The following KCNAB2 variants were observed in gnomAD, a reference collection of about 807,000 sequenced individuals.
The protein encoded by KCNAB2 is potassium voltage-gated channel subfamily A regulatory beta subunit 2.
Under a neutral mutation model 63.6 loss-of-function variants are expected in KCNAB2, and 29 were observed. That is an observed-to-expected ratio of 0.46 (90% CI 0.34 to 0.62). KCNAB2 has a LOEUF of 0.62. KCNAB2 is among the 20% of genes least tolerant of loss of function. KCNAB2 has a pLI of 0.01. For missense variants in KCNAB2, 359 were observed against 563.9 expected (o/e 0.64, Z 3.68); for synonymous variants, 222 against 224.2 (o/e 0.99, Z 0.09).
chr1:6,090,558 A>G (rs1410657290), intron 9 of KCNAB2, 83 bp downstream of exon 9: 32 of 1,085,118 alleles, frequency 2.9e-5, no homozygotes, highest in Non-Finnish European at 4.3e-5. Context: ...GGCCGCCAGC[A>G]TGGGCCCTGC....
At chr1:6,082,385 A>C (rs1269043282) in intron 5 of KCNAB2, 111 bp downstream of exon 5, 1 of 803,902 alleles carries the variant, frequency 1.2e-6, no homozygotes, top group Non-Finnish European at 2.2e-6. Flanking sequence ...TGCACCTTGC[A>C]CCCTGCTTTC....
intron 4 of KCNAB2, among the ~76,000 whole-genome samples, chr1:6,080,047 A>T (rs1234325777): frequency 6.6e-6 from 1 of 152,208 alleles, no homozygotes; most frequent in Non-Finnish European, 1.5e-5. Context: ...TGGAAGAAAG[A>T]TGGGGGATAA....
At chr1:6,072,894 C>T in intron 3 of KCNAB2, 96 bp downstream of exon 3, 1 of 1,249,264 alleles carries the variant, frequency 8.0e-7, no homozygotes, top group Middle Eastern at 2.1e-4. Flanking sequence ...GCAGGGTGGC[C>T]CAAACCTTGG....
intron 2 of KCNAB2, among the ~76,000 whole-genome samples, chr1:6,061,252 A>G (rs1003037067): frequency 6.6e-6 from 1 of 152,238 alleles, no homozygotes; most frequent in Non-Finnish European, 1.5e-5. Context: ...ACAGAAAAAG[A>G]ACCAGAAATG....
chr1:6,046,238 G>A (rs1214111767), intron 1 of KCNAB2, 55 bp downstream of exon 1: 7 of 969,550 alleles, frequency 7.2e-6, no homozygotes, highest in South Asian at 4.8e-5. Context: ...TTGGGGGCAC[G>A]CATCCGCGGG....
In KCNAB2 at chr1:6,099,827, AG is replaced by A; in HGVS notation, c.*1257del. ...CTGACACCTGGGACAGGCTGGGCAG[AG>A]GGGAGAGAGGGCAGGACAGGCCAGA... On this transcript the variant is annotated 3_prime_UTR_variant, in exon 16 of 16. Transcript: ENST00000378083. The A allele has an allele frequency of 6.5e-7, 1 of 1,536,510 alleles. No homozygotes were observed. Among genetic ancestry groups the A allele is most frequent in the Non-Finnish European group, 8.8e-7 (1 of 1,139,828 alleles).
intron 4 of KCNAB2, among the ~76,000 whole-genome samples, chr1:6,080,876 C>G (rs1234209026): frequency 1.3e-5 from 2 of 152,226 alleles, no homozygotes; most frequent in African/African-American, 4.8e-5. Context: ...CCACCCCTGG[C>G]TGGTTTTCTG....
At chr1:6,092,310 G>A (rs1266969151) in intron 10 of KCNAB2, among the ~76,000 whole-genome samples, 2 of 152,220 alleles carry the variant, frequency 1.3e-5, no homozygotes, top group Non-Finnish European at 2.9e-5. Context: ...AGGGAGCCCA[G>A]GGGCCTTTGC....
chr1:6,031,016 T>G (rs972703393), upstream of KCNAB2, among the ~76,000 whole-genome samples: 1 of 151,972 alleles, frequency 6.6e-6, no homozygotes, highest in East Asian at 1.9e-4. The surrounding 1 kb of genome is among the most constrained non-coding windows in gnomAD (Gnocchi z 4.1). Context: ...TGGGTGTCAG[T>G]AACTCCACCT....
chr1:6,098,654 G>C lies in KCNAB2; in HGVS notation c.*80G>C. ...CTCGCTTAAGCTGTTTTGAAGCCAA[G>C]TGAAGAGTGTGGTTTGCATCCAAGA... On this transcript the variant is annotated 3_prime_UTR_variant, in exon 16 of 16. Transcript: ENST00000378083. The C allele has an allele frequency of 1.3e-6, 2 of 1,529,184 alleles. No individual in the cohort carries two copies. The highest frequency in any genetic ancestry group is 1.8e-6 in the Non-Finnish European group (2 of 1,124,040). 94.7% of individuals were successfully genotyped at this position (1,529,184 alleles called of 1,614,324 possible).
At position 6,071,201 on chromosome 1, in the gene KCNAB2, G is replaced by T. The variant is rs908354158; in HGVS notation, c.219-1554G>T. 6.6e-6 allele frequency among the ~76,000 whole-genome samples: 1 copy of T among 152,188 alleles called. No homozygotes were observed. The highest frequency in any genetic ancestry group is 2.4e-5 in the African/African-American group (1 of 41,440). On this transcript the variant is annotated intron_variant, in intron 2 of 15. Coordinates refer to ENST00000378083, the MANE Select transcript of KCNAB2 (RefSeq NM_001199862.2). The surrounding 1 kb of genome is among the most constrained non-coding windows in gnomAD (Gnocchi z 8.5). ...CCCATGCCGCCTTCCCAGGGGCCAG[G>T]CTTGGACAGGAAAGAGGATAAACTG...
rs879272187 is a variant in KCNAB2 at position 5,994,708 on chromosome 1, C to G, written c.-53+1920C>G. 3.9e-5 allele frequency among the ~76,000 whole-genome samples: 6 copies of G among 152,140 alleles called. No individual in the cohort carries two copies. The highest frequency in any genetic ancestry group is 2.6e-4 in the Admixed American group (4 of 15,290). On this transcript the variant is annotated intron_variant, in intron 1 of 16. Transcript: ENST00000341524. The surrounding 1 kb of genome is among the most constrained non-coding windows in gnomAD (Gnocchi z 5.4). The stretch of plus-strand genomic sequence containing the variant: ...GAGCCTGGATGGGAAGCAGTGTGCA[C>G]AGAAGCCATTGCACCCGGGAGGTGG...
chr1:6,021,708 G>A (rs1658830338), intron 1 of KCNAB2, among the ~76,000 whole-genome samples: 1 of 151,326 alleles, frequency 6.6e-6, no homozygotes, highest in Admixed American at 6.6e-5. Flanking sequence ...CAGTGGTACT[G>A]AGTGTGTAGT....
rs1164917570 is a variant in KCNAB2 at position 6,078,266 on chromosome 1, C to G, written c.301-3929C>G. On this transcript the variant is annotated intron_variant, in intron 4 of 15. Transcript: ENST00000378083. The surrounding 1 kb of genome is among the most constrained non-coding windows in gnomAD (Gnocchi z 4.2). ...CCTCATAAGGTCACCTGTGATGGCA[C>G]TGAGGGCCCACTTAGCTAAGCCAGG... Among the ~76,000 whole-genome samples, 1 of 152,256 alleles carries G rather than the reference C, an allele frequency of 6.6e-6. No individual in the cohort carries two copies. The highest frequency in any genetic ancestry group is 1.5e-5 in the Non-Finnish European group (1 of 68,042).
At chr1:6,007,201 T>G (rs905241991) in intron 1 of KCNAB2, among the ~76,000 whole-genome samples, 8 of 151,838 alleles carry the variant, frequency 5.3e-5, no homozygotes, top group Non-Finnish European at 1.0e-4. Flanking sequence ...AGTCACTGCA[T>G]GGGGGGGGCT....
In KCNAB2 at chr1:6,087,415, AC is replaced by A. The variant is rs534443099; in HGVS notation, c.426-46del. The A allele has an allele frequency of 1.3e-6, 2 of 1,591,770 alleles. No individual in the cohort carries two copies. The highest frequency in any genetic ancestry group is 1.4e-5 in the African/African-American group (1 of 74,014). ...ATGAGGACGTCGGGGATGAAGGAGG[AC>A]CCCCCAGGGGCCGGGCTTATCACAC... On this transcript the variant is annotated intron_variant, in intron 6 of 15. Coordinates refer to ENST00000378083, the MANE Select transcript of KCNAB2 (RefSeq NM_001199862.2). This position sits in a 1 kb window ranked among gnomAD's most constrained non-coding sequence, Gnocchi z 6.4.
At position 6,072,741 on chromosome 1, in the gene KCNAB2, C is replaced by A. The variant is rs764302922; in HGVS notation, c.219-14C>A. 12 of 1,613,660 alleles carry A rather than the reference C, an allele frequency of 7.4e-6. No individual in the cohort carries two copies. The highest frequency in any genetic ancestry group is 1.1e-5 in the South Asian group (1 of 91,018). ...GCCTGGGTGCTGAGAACTCACGTGG[C>A]GTTTGTTTTTCAGGAACCTGGGCAA... On this transcript the variant is annotated splice_polypyrimidine_tract_variant and intron_variant, in intron 2 of 15. Transcript: ENST00000378083.
At chr1:6,088,869 C>T (rs1036261364) in intron 7 of KCNAB2, 139 bp from the exon 8 acceptor site, 10 of 754,506 alleles carry the variant, frequency 1.3e-5, no homozygotes, top group Admixed American at 2.5e-5. Context: ...CGGGTCCCTA[C>T]CCCCAAAGTG....
intron 8 of KCNAB2, among the ~76,000 whole-genome samples, chr1:6,089,868 T>G (rs1665035655): frequency 6.6e-6 from 1 of 152,166 alleles, no homozygotes; most frequent in Non-Finnish European, 1.5e-5. Context: ...TGGTTAATTT[T>G]TTTTGTATTT....
Sources: gnomAD v4.1 joint callset for allele counts (sites outside exome capture counted in the v4.1 genomes callset) on GRCh38, gnomAD v4.1.1 for gene constraint, Gnocchi (gnomAD v3.1) non-coding constraint, MANE v1.5 for transcripts, NCBI Gene and HGNC (gene_info 2026-07-23, HGNC 2026-07-21) for gene names.